Variants in BAZ2B observed in about 807,000 individuals in gnomAD.
BAZ2B encodes the protein bromodomain adjacent to zinc finger domain protein 2B.
In BAZ2B, 91 loss-of-function variants were observed where a neutral mutation model predicts 246.0. That is an observed-to-expected ratio of 0.37 (90% CI 0.31 to 0.44). BAZ2B has a LOEUF of 0.44. BAZ2B is among the 20% of genes least tolerant of loss of function. The pLI is 1.00. For missense variants in BAZ2B, 2,332 were observed against 2,533.7 expected (o/e 0.92, Z 1.71); for synonymous variants, 855 against 860.0 (o/e 0.99, Z 0.10).
At chr2:159,457,445 G>T (rs1047167939) in intron 3 of BAZ2B, among the ~76,000 whole-genome samples, 1 of 152,094 alleles carries the variant, frequency 6.6e-6, no homozygotes, top group African/African-American at 2.4e-5. Flanking sequence ...AGCAGAAGAG[G>T]CCTATCCATG....
At chr2:159,668,028 T>G in the BAZ2B span, among the ~76,000 whole-genome samples, 1 of 152,294 alleles carries the variant, frequency 6.6e-6, no homozygotes, top group East Asian at 1.9e-4. Context: ...ACATGGTATA[T>G]CTATTAAATT....
rs551680360 is a variant in BAZ2B, at chr2:159,446,797, G to A, written c.681C>T (p.Asp227=). Residue 227 remains aspartate (D), a synonymous_variant, in exon 6 of 37, where the codon GAC becomes GAT. Transcript: ENST00000392783. Reference sequence around the variant, plus strand: ...TACAACTTACCTTATCTTTGATTTTGTCAACTCTAGCATCCAAAGGCTGGT... The same window carrying A: ...TACAACTTACCTTATCTTTGATTTTATCAACTCTAGCATCCAAAGGCTGGT... ...SKNQPLDARV[D]KIKDKKPRKK... is the part of the protein sequence containing the mutation. The A allele has an allele frequency of 6.1e-5, 98 of 1,607,606 alleles. No individual in the cohort carries two copies. The East Asian group carries it at 2.0e-3, about 32-fold the overall frequency.
rs559608422 is a variant in BAZ2B at position 159,432,747 on chromosome 2, T to G, written c.1900+10A>C. 2.5e-6 allele frequency: 4 copies of G among 1,600,042 alleles called. No individual in the cohort carries two copies. The highest frequency in any genetic ancestry group is 2.7e-5 in the African/African-American group (2 of 74,438). ...TAGAGAAATACTTTAAATTTTAAAATGAAAATAACCTGATTGGCTGTCATC... is the reference window on the plus strand; with the variant it reads ...TAGAGAAATACTTTAAATTTTAAAAGGAAAATAACCTGATTGGCTGTCATC... On this transcript the variant is annotated intron_variant, in intron 9 of 36. Coordinates refer to ENST00000392783, the MANE Select transcript of BAZ2B (RefSeq NM_013450.4).
intron 16 of BAZ2B, 35 bp downstream of exon 16, chr2:159,404,814 A>G (rs1276766883): frequency 1.9e-6 from 3 of 1,557,308 alleles, no homozygotes; most frequent in Non-Finnish European, 2.6e-6. Flanking sequence ...AATAAGTCCC[A>G]TATTTTAAAA....
intron 2 of BAZ2B, among the ~76,000 whole-genome samples, chr2:159,540,355 T>C (rs2086516025): frequency 6.6e-6 from 1 of 152,214 alleles, no homozygotes; most frequent in Non-Finnish European, 1.5e-5. Context: ...TCTCTTTCCT[T>C]ACTGAATATC....
intron 31 of BAZ2B, among the ~76,000 whole-genome samples, chr2:159,339,312 T>C (rs1011067698): frequency 2.0e-5 from 3 of 152,098 alleles, no homozygotes; most frequent in African/African-American, 7.2e-5. Context: ...ATGAGATAGT[T>C]CCTGTGGCAA....
intron 1 of BAZ2B, among the ~76,000 whole-genome samples, chr2:159,577,531 C>A (rs1210106276): frequency 6.6e-6 from 1 of 152,116 alleles, no homozygotes; most frequent in Admixed American, 6.5e-5. Flanking sequence ...AAAGAGGATA[C>A]CAGTTCTTGG....
At chr2:159,662,474 C>A in the BAZ2B span, among the ~76,000 whole-genome samples, 1 of 152,094 alleles carries the variant, frequency 6.6e-6, no homozygotes, top group Non-Finnish European at 1.5e-5. Context: ...ATGAGAGGTT[C>A]CAATATTTCC....
At chr2:159,574,841 G>A (rs1684913826) in intron 1 of BAZ2B, among the ~76,000 whole-genome samples, 2 of 151,882 alleles carry the variant, frequency 1.3e-5, no homozygotes, top group South Asian at 2.1e-4. Context: ...ATGGTGGCAT[G>A]CGCCTGTAAT....
At chr2:159,323,731 G>A (rs1051627283) in intron 36 of BAZ2B, among the ~76,000 whole-genome samples, 1 of 151,354 alleles carries the variant, frequency 6.6e-6, no homozygotes, top group Admixed American at 6.6e-5. Flanking sequence ...TTGAACCCGG[G>A]AGGCAGAGAT....
At chr2:159,539,070 C>A (rs969753507) in intron 2 of BAZ2B, among the ~76,000 whole-genome samples, 1 of 152,148 alleles carries the variant, frequency 6.6e-6, no homozygotes, top group Non-Finnish European at 1.5e-5. Context: ...GCGGAAATCT[C>A]CATAGAGTGA....
At chr2:159,398,479 T>G (rs2064414127) in intron 18 of BAZ2B, among the ~76,000 whole-genome samples, 1 of 152,070 alleles carries the variant, frequency 6.6e-6, no homozygotes, top group African/African-American at 2.4e-5. Flanking sequence ...ATATCTAGTT[T>G]ATGCCTAAAC....
the BAZ2B span, among the ~76,000 whole-genome samples, chr2:159,633,206 A>C: frequency 6.6e-6 from 1 of 151,762 alleles, no homozygotes; most frequent in Non-Finnish European, 1.5e-5. Flanking sequence ...TATTTTTAAA[A>C]GAGTTACCAG....
At chr2:159,669,637 T>C in the BAZ2B span, among the ~76,000 whole-genome samples, 2 of 152,204 alleles carry the variant, frequency 1.3e-5, no homozygotes, top group African/African-American at 4.8e-5. Flanking sequence ...TTATGAAATA[T>C]CACTCTTTAC....
intron 27 of BAZ2B, among the ~76,000 whole-genome samples, chr2:159,359,069 A>G (rs577739223): frequency 2.0e-5 from 3 of 152,180 alleles, no homozygotes; most frequent in African/African-American, 7.2e-5. Context: ...GAGCAAACAC[A>G]TTCAAAAGCT....
rs1553615880 is a variant in BAZ2B at position 159,437,928 on chromosome 2, A to AAT, written c.1293+374_1293+375insAT. The AAT allele has an allele frequency of 4.1e-3, 662 of 162,900 alleles. 4 individuals are homozygous for AAT. The highest frequency in any genetic ancestry group is 0.014 in the African/African-American group (581 of 41,160). The allele number at this position is 162,900 out of a possible 1,614,324, so 10.1% of individuals were successfully genotyped here. A position where few individuals can be genotyped will look rare whatever the true frequency, so the allele number is the denominator to read the frequency against. The stretch of plus-strand genomic sequence containing the variant: ...TGAGACCCTGCCTCAAAAAAAAAAA[A>AAT]TAAAAAAAAATTGGTATTAGGAAAA... On this transcript the variant is annotated intron_variant, in intron 8 of 36. Coordinates refer to ENST00000392783, the MANE Select transcript of BAZ2B (RefSeq NM_013450.4).
intron 2 of BAZ2B, among the ~76,000 whole-genome samples, chr2:159,544,868 G>A (rs1256797016): frequency 2.6e-5 from 4 of 152,188 alleles, no homozygotes; most frequent in Non-Finnish European, 5.9e-5. Context: ...GAAACAGAGG[G>A]AAATTAATTT....
At chr2:159,460,783 C>CA (rs897637709) in intron 3 of BAZ2B, 1 of 152,078 alleles carries the variant, frequency 6.6e-6, no homozygotes, top group African/African-American at 2.4e-5. Flanking sequence ...TTTCTGAACT[C>CA]AAAATGTCCA....
intron 14 of BAZ2B, among the ~76,000 whole-genome samples, chr2:159,406,794 T>TG (rs2149824343): frequency 6.6e-6 from 1 of 152,080 alleles, no homozygotes; most frequent in South Asian, 2.1e-4. Context: ...CTTGCTCTGT[T>TG]CCCAGGCTGG....
Sources: gnomAD v4.1 joint callset for allele counts (sites outside exome capture counted in the v4.1 genomes callset) on GRCh38, gnomAD v4.1.1 for gene constraint, MANE v1.5 for transcripts, NCBI Gene and HGNC (gene_info 2026-07-23, HGNC 2026-07-21) for gene names.